The following DOCK5 variants were observed in gnomAD, a reference collection of about 807,000 sequenced individuals.
The protein encoded by DOCK5 is dedicator of cytokinesis protein 5.
DOCK5 carries 142 observed loss-of-function variants against 251.8 expected under a neutral mutation model. The observed-to-expected ratio is 0.56, with a 90% CI of 0.49 to 0.65. The LOEUF is 0.65. Ranked by LOEUF, DOCK5 falls within the 30% of genes least tolerant of loss-of-function variation. The pLI is 0.00. For missense variants in DOCK5, 2,111 were observed against 2,312.3 expected (o/e 0.91, Z 1.79); for synonymous variants, 842 against 835.5 (o/e 1.01, Z -0.13).
intron 3 of DOCK5, among the ~76,000 whole-genome samples, chr8:25,273,303 A>T (rs1005280089): frequency 2.6e-5 from 4 of 152,148 alleles, no homozygotes; most frequent in African/African-American, 7.2e-5. Flanking sequence ...TTTGATCATT[A>T]AAAAAATTAA....
At chr8:25,264,816 G>C (rs2117590843) in intron 2 of DOCK5, among the ~76,000 whole-genome samples, 1 of 151,002 alleles carries the variant, frequency 6.6e-6, no homozygotes, top group South Asian at 2.1e-4. Flanking sequence ...GACAGAGCAG[G>C]ACTGTCTCAA....
At chr8:25,367,398 C>T (rs1005756707) in intron 31 of DOCK5, among the ~76,000 whole-genome samples, 18 of 152,148 alleles carry the variant, frequency 1.2e-4, no homozygotes, top group Non-Finnish European at 2.5e-4. Context: ...ATTAAAATGC[C>T]CTCCAGATTC....
intron 14 of DOCK5, among the ~76,000 whole-genome samples, chr8:25,318,135 A>G (rs1805310063): frequency 6.6e-6 from 1 of 151,586 alleles, no homozygotes; most frequent in African/African-American, 2.4e-5. Flanking sequence ...GTCACCCAGG[A>G]TGAAGTGCAG....
At chr8:25,309,799 C>A (rs1242717588) in intron 12 of DOCK5, among the ~76,000 whole-genome samples, 1 of 151,326 alleles carries the variant, frequency 6.6e-6, no homozygotes, top group Non-Finnish European at 1.5e-5. Context: ...CCAGTCTGGG[C>A]AACAAAGTGA....
chr8:25,261,027 C>T (rs1232253642), intron 2 of DOCK5, among the ~76,000 whole-genome samples: 2 of 152,056 alleles, frequency 1.3e-5, no homozygotes, highest in African/African-American at 4.8e-5. Context: ...TGGTCTCCCA[C>T]CTCAGCCTCC....
chr8:25,338,187 C>A (rs1247093004), intron 22 of DOCK5, among the ~76,000 whole-genome samples: 2 of 151,954 alleles, frequency 1.3e-5, no homozygotes, highest in Admixed American at 1.3e-4. Flanking sequence ...GACCAAAGGG[C>A]ACGTCACCAT....
At chr8:25,355,931 G>A (rs970283396) in intron 27 of DOCK5, among the ~76,000 whole-genome samples, 5 of 151,694 alleles carry the variant, frequency 3.3e-5, no homozygotes, top group Middle Eastern at 3.4e-3. Flanking sequence ...GGTGGCTCAC[G>A]CCTGTAATCC....
intron 40 of DOCK5, among the ~76,000 whole-genome samples, chr8:25,385,475 T>C (rs2117309993): frequency 6.6e-6 from 1 of 152,208 alleles, no homozygotes; most frequent in Non-Finnish European, 1.5e-5. Flanking sequence ...TCAAGAATGA[T>C]TTCTGGGCTT....
chr8:25,214,638 C>G (rs996652287), intron 1 of DOCK5, among the ~76,000 whole-genome samples: 1 of 152,200 alleles, frequency 6.6e-6, no homozygotes, highest in Admixed American at 6.5e-5. Context: ...CCCACTGCCA[C>G]TTCTCTTAAA....
intron 34 of DOCK5, among the ~76,000 whole-genome samples, chr8:25,371,132 T>C (rs2117284250): frequency 6.8e-6 from 1 of 146,496 alleles, no homozygotes; most frequent in South Asian, 2.2e-4. Context: ...TGGATGAGAG[T>C]CTGTGTTTGA....
chr8:25,241,598 T>A (rs919954996), intron 1 of DOCK5, among the ~76,000 whole-genome samples: 2 of 152,190 alleles, frequency 1.3e-5, no homozygotes, highest in Non-Finnish European at 2.9e-5. Flanking sequence ...GTGTGGTGAT[T>A]CCTCAAGGAT....
chr8:25,207,101 T>A (rs1297186333), intron 1 of DOCK5, among the ~76,000 whole-genome samples: 1 of 152,218 alleles, frequency 6.6e-6, no homozygotes, highest in Non-Finnish European at 1.5e-5. Context: ...CAGGGTACTT[T>A]GCAGAGCTTT....
chr8:25,254,605 C>T (rs531459808), intron 2 of DOCK5, among the ~76,000 whole-genome samples: 17 of 151,592 alleles, frequency 1.1e-4, no homozygotes, highest in South Asian at 4.2e-4. Flanking sequence ...GAAACCCCGT[C>T]TCTACTAAAA....
intron 26 of DOCK5, among the ~76,000 whole-genome samples, chr8:25,347,890 C>T (rs1443518730): frequency 6.6e-6 from 1 of 152,216 alleles, no homozygotes. Context: ...CCAACCTTCT[C>T]ACCACCCAGA....
chr8:25,350,464 T>A (rs889175998), intron 26 of DOCK5, among the ~76,000 whole-genome samples: 5 of 152,046 alleles, frequency 3.3e-5, no homozygotes, highest in Non-Finnish European at 5.9e-5. Context: ...ACTGTTACTG[T>A]CCCCCTTTTG....
At chr8:25,225,295 C>T (rs1410778172) in intron 1 of DOCK5, among the ~76,000 whole-genome samples, 1 of 152,174 alleles carries the variant, frequency 6.6e-6, no homozygotes, top group Admixed American at 6.6e-5. Context: ...TATTTTTACA[C>T]TCGTGTTCAT....
rs1247733706 is a variant in DOCK5, at chr8:25,298,852, A to G, written c.607-92A>G. ...CCACTGTGCCCAGGCTTTGTCTGCC[A>G]TTTGCAGGCTTATTTATTTATTTAT... On this transcript the variant is annotated intron_variant, in intron 7 of 51. Transcript: ENST00000276440. The G allele has an allele frequency of 8.0e-6, 11 of 1,381,378 alleles. No homozygotes were observed. The East Asian group carries it at 2.1e-4, about 26-fold the overall frequency. 85.6% of individuals were successfully genotyped at this position (1,381,378 alleles called of 1,614,324 possible).
rs1276528472 is a variant in DOCK5 at position 25,342,388 on chromosome 8, G to T, written c.2511-13G>T. 43 of 1,568,946 alleles carry T rather than the reference G, an allele frequency of 2.7e-5. No homozygotes were observed. Among genetic ancestry groups the T allele is most frequent in the African/African-American group, 5.4e-5 (4 of 74,030 alleles). ...GAACGAAGACACTACTAACCCTGAG[G>T]TTTCTCTCCCAGCGTGCTCTTCTGC... On this transcript the variant is annotated splice_polypyrimidine_tract_variant and intron_variant, in intron 24 of 51. Transcript: ENST00000276440.
At chr8:25,285,409 G>T (rs985929697) in intron 5 of DOCK5, among the ~76,000 whole-genome samples, 1 of 152,168 alleles carries the variant, frequency 6.6e-6, no homozygotes, top group Non-Finnish European at 1.5e-5. Flanking sequence ...GCCTCCCAAA[G>T]TGCTGGGATA....
Sources: allele counts gnomAD v4.1 joint callset (sites outside exome capture counted in the v4.1 genomes callset), GRCh38; gene constraint gnomAD v4.1.1; transcripts MANE v1.5; gene names NCBI Gene and HGNC (gene_info 2026-07-23, HGNC 2026-07-21).